The following DYM variants were observed in gnomAD, a reference collection of about 807,000 sequenced individuals.
The protein encoded by DYM is dymeclin.
Under a neutral mutation model 93.1 loss-of-function variants are expected in DYM, and 78 were observed. The ratio of observed to expected loss-of-function variants is 0.84; its 90% CI spans 0.70 to 1.01. The LOEUF is 1.01. Among genes scored for constraint, DYM ranks in the 50% least tolerant of loss-of-function variants. The pLI is 0.00. For synonymous variants in DYM, 321 were observed against 319.7 expected, an observed-to-expected ratio of 1.00 and a Z score of -0.04; for missense variants, 789 against 845.0, an observed-to-expected ratio of 0.93 and a Z score of 0.82.
rs186680474 is a variant in DYM, at chr18:49,153,367, A to G, written c.1728+10318T>C. On this transcript the variant is annotated intron_variant, in intron 15 of 17. Coordinates refer to ENST00000675505, the MANE Select transcript of DYM (RefSeq NM_001353214.3). ...GCAGTTGTGCTAGGGATGTTCACCA[A>G]TTTTATTCACAGGGTTTGGCTCTGT... Among the ~76,000 whole-genome samples the G allele has an allele frequency of 4.7e-4, 71 of 152,324 alleles. No individual in the cohort carries two copies. In the East Asian group the frequency reaches 0.013, roughly 27 times the overall value.
chr18:49,424,098 C>T lies in DYM; in HGVS notation c.140+6157G>A, dbSNP rs150319714. Reference sequence around the variant, plus strand: ...AGCCTGGCAGAGACACAACCAAAAACGACAATTTTAGACCAATATCCCTGA... The same window carrying T: ...AGCCTGGCAGAGACACAACCAAAAATGACAATTTTAGACCAATATCCCTGA... On this transcript the variant is annotated intron_variant, in intron 2 of 17. Coordinates refer to ENST00000675505, the MANE Select transcript of DYM (RefSeq NM_001353214.3). Among the ~76,000 whole-genome samples the T allele has an allele frequency of 2.2e-3, 329 of 151,870 alleles. 2 individuals are homozygous for T. Among genetic ancestry groups the T allele is most frequent in the African/African-American group, 7.0e-3 (289 of 41,438 alleles).
At chr18:49,370,610 A>G (rs1218598308) in intron 5 of DYM, among the ~76,000 whole-genome samples, 1 of 152,080 alleles carries the variant, frequency 6.6e-6, no homozygotes, top group African/African-American at 2.4e-5. Context: ...TACTAGAAAT[A>G]TAAAAATCAG....
At chr18:49,363,123 A>T (rs762264481) in intron 6 of DYM, 38 bp downstream of exon 6, 2 of 1,532,938 alleles carry the variant, frequency 1.3e-6, no homozygotes, top group Admixed American at 3.3e-5. Context: ...GCCATATACA[A>T]AGAAGATAAA....
chr18:49,242,849 G>A (rs879727570), intron 13 of DYM, among the ~76,000 whole-genome samples: 2 of 152,050 alleles, frequency 1.3e-5, no homozygotes, highest in Admixed American at 6.6e-5. Context: ...ACAGGCGCCC[G>A]CCACCACGCC....
chr18:49,357,513 T>C lies in DYM; in HGVS notation c.494+5648A>G, dbSNP rs116542776. Among the ~76,000 whole-genome samples, 1,083 of 152,308 alleles carry C rather than the reference T, an allele frequency of 7.1e-3. 18 individuals are homozygous for C. The highest frequency in any genetic ancestry group is 0.025 in the African/African-American group (1,037 of 41,570). On this transcript the variant is annotated intron_variant, in intron 6 of 17. Transcript: ENST00000675505. ...AGCCCCTTTCTACTACCAATGTCAG[T>C]AAGACACCCTGTTGTTACAATGTGC...
chr18:49,163,097 G>A (rs1176150202), intron 15 of DYM, among the ~76,000 whole-genome samples: 1 of 152,104 alleles, frequency 6.6e-6, no homozygotes, highest in Non-Finnish European at 1.5e-5. Flanking sequence ...TTTTGTTTTT[G>A]TGTTATTAGC....
intron 16 of DYM, among the ~76,000 whole-genome samples, chr18:49,111,493 A>T (rs1280034737): frequency 6.6e-6 from 1 of 152,190 alleles, no homozygotes; most frequent in Admixed American, 6.5e-5. Context: ...AATACTATTT[A>T]TGATAAATTA....
At chr18:49,078,486 T>C (rs761506405) in intron 17 of DYM, among the ~76,000 whole-genome samples, 75 of 152,158 alleles carry the variant, frequency 4.9e-4, no homozygotes, top group Non-Finnish European at 2.9e-4. Flanking sequence ...ACTATAGTTG[T>C]TATATATACA....
intron 17 of DYM, among the ~76,000 whole-genome samples, chr18:49,062,272 TACAAA>T (rs2076043775): frequency 6.6e-6 from 1 of 152,318 alleles, no homozygotes; most frequent in African/African-American, 2.4e-5. Flanking sequence ...CTATAAATCT[TACAAA>T]ACTAAAACAA....
At chr18:49,154,506 G>T (rs558317523) in intron 15 of DYM, among the ~76,000 whole-genome samples, 1 of 151,750 alleles carries the variant, frequency 6.6e-6, no homozygotes, top group Non-Finnish European at 1.5e-5. Flanking sequence ...GCAGTTCTCC[G>T]GCCTCAGTCT....
intron 15 of DYM, among the ~76,000 whole-genome samples, chr18:49,120,536 G>C (rs1459424958): frequency 2.0e-5 from 3 of 152,152 alleles, no homozygotes; most frequent in Admixed American, 2.0e-4. Context: ...TACTACAGTT[G>C]CTCACTCCAT....
intron 15 of DYM, among the ~76,000 whole-genome samples, chr18:49,155,341 T>C (rs2086278913): frequency 6.6e-6 from 1 of 152,218 alleles, no homozygotes; most frequent in Non-Finnish European, 1.5e-5. Context: ...AGCTCTCTTT[T>C]TCCCCCCGTG....
At chr18:49,263,810 C>T (rs2094528092) in intron 11 of DYM, among the ~76,000 whole-genome samples, 1 of 152,188 alleles carries the variant, frequency 6.6e-6, no homozygotes, top group African/African-American at 2.4e-5. Context: ...CACAGTGGCA[C>T]TAGCCACAAG....
chr18:49,055,515 C>T (rs1333824335), intron 17 of DYM, among the ~76,000 whole-genome samples: 1 of 152,086 alleles, frequency 6.6e-6, no homozygotes, highest in Non-Finnish European at 1.5e-5. Flanking sequence ...GAGATGGGGG[C>T]AAAAGTGGAG....
In DYM at chr18:49,147,529, G is replaced by A. The variant is rs558233327; in HGVS notation, c.1728+16156C>T. ...AAAACATCCCCATGAAAAAGTGGGC[G>A]AAGGATATGAACAGACACTTCTCAA... On this transcript the variant is annotated intron_variant, in intron 15 of 17. Coordinates refer to ENST00000675505, the MANE Select transcript of DYM (RefSeq NM_001353214.3). Among the ~76,000 whole-genome samples the A allele has an allele frequency of 3.0e-4, 46 of 152,202 alleles. 1 individual carries two copies. Among genetic ancestry groups the A allele is most frequent in the African/African-American group, 9.2e-4 (38 of 41,526 alleles).
chr18:49,092,048 G>T (rs1245511662), intron 17 of DYM, among the ~76,000 whole-genome samples: 1 of 152,158 alleles, frequency 6.6e-6, no homozygotes, highest in South Asian at 2.1e-4. Flanking sequence ...TTTAATGATG[G>T]TAAGTACTGT....
intron 10 of DYM, among the ~76,000 whole-genome samples, chr18:49,276,153 C>T (rs947318358): frequency 6.6e-6 from 1 of 151,908 alleles, no homozygotes; most frequent in African/African-American, 2.4e-5. Context: ...TGGCTGATCT[C>T]GGGGAGAAAG....
intron 14 of DYM, among the ~76,000 whole-genome samples, chr18:49,195,131 C>T (rs2091324421): frequency 6.6e-6 from 1 of 152,008 alleles, no homozygotes; most frequent in African/African-American, 2.4e-5. Context: ...TTTTTTCATG[C>T]TTTTATTTAA....
chr18:49,271,925 C>T (rs1302514258), intron 11 of DYM, among the ~76,000 whole-genome samples: 1 of 150,532 alleles, frequency 6.6e-6, no homozygotes, highest in Non-Finnish European at 1.5e-5. Context: ...AAAAATGAAC[C>T]CAGTAGCAGC....
Sources: allele counts gnomAD v4.1 joint callset (sites outside exome capture counted in the v4.1 genomes callset), GRCh38; gene constraint gnomAD v4.1.1; transcripts MANE v1.5; gene names NCBI Gene and HGNC (gene_info 2026-07-23, HGNC 2026-07-21).